Variants in ENOSF1 observed in about 807,000 individuals in gnomAD.
ENOSF1 encodes the protein enolase superfamily member 1.
In ENOSF1, 73 loss-of-function variants were observed where a neutral mutation model predicts 68.2. That is an observed-to-expected ratio of 1.07 (90% CI 0.89 to 1.30). The LOEUF is 1.30. Ranked by LOEUF, ENOSF1 falls within the 50% of genes most tolerant of loss-of-function variation. The probability of loss-of-function intolerance (pLI) is 0.00; values close to 1 mark genes in which losing one functional copy is unlikely to be tolerated. For synonymous variants in ENOSF1, 223 were observed against 210.4 expected, an observed-to-expected ratio of 1.06 and a Z score of -0.52; for missense variants, 589 against 554.5, an observed-to-expected ratio of 1.06 and a Z score of -0.62.
At chr18:694,185 C>A in intron 4 of ENOSF1, 63 bp downstream of exon 4, 1 of 1,483,814 alleles carries the variant, frequency 6.7e-7, no homozygotes, top group Admixed American at 1.8e-5. Context: ...TTCCTCTGTG[C>A]GTAGGGAAAG....
chr18:698,135 T>C (rs557018984), intron 2 of ENOSF1, among the ~76,000 whole-genome samples: 14 of 152,324 alleles, frequency 9.2e-5, no homozygotes, highest in African/African-American at 3.1e-4. Flanking sequence ...ATCACACAAG[T>C]AGAACACGTG....
In ENOSF1 at chr18:677,400, C is replaced by A; in HGVS notation, c.1093G>T (p.Val365Leu). 2 of 1,613,766 alleles carry A rather than the reference C, an allele frequency of 1.2e-6. No individual in the cohort carries two copies. The highest frequency in any genetic ancestry group is 2.2e-5 in the South Asian group (2 of 90,998). Residue 365 changes from valine to leucine, a missense_variant, in exon 14 of 16, where the codon GTG (valine) becomes TTG (leucine). Coordinates refer to ENST00000647584, the MANE Select transcript of ENOSF1 (RefSeq NM_017512.7). ...TAGTCAAATATAATCAGGTGCTGCA[C>A]CAGTTCACAGAGGCCAACTCCACCA... is the stretch of plus-strand genomic sequence containing the variant. ...HAGGVGLCELVQHLIIFDYIS... is the reference protein window; with the variant it reads ...HAGGVGLCELLQHLIIFDYIS...
chr18:680,998 A>G (rs1272168838), intron 11 of ENOSF1, among the ~76,000 whole-genome samples: 1 of 152,038 alleles, frequency 6.6e-6, no homozygotes, highest in Non-Finnish European at 1.5e-5. Context: ...AGGTGGGCGG[A>G]TCACGAGGTC....
chr18:666,149 T>G (rs2074811242), downstream of ENOSF1, among the ~76,000 whole-genome samples: 2 of 100,726 alleles, frequency 2.0e-5, no homozygotes, highest in Admixed American at 8.3e-5. Flanking sequence ...TGTGGGAGTC[T>G]AAGTCTCTTT....
At chr18:700,280 CAG>C (rs1458382623) in intron 2 of ENOSF1, among the ~76,000 whole-genome samples, 2 of 152,222 alleles carry the variant, frequency 1.3e-5, no homozygotes, top group South Asian at 2.1e-4. Context: ...TGTGAGAAGA[CAG>C]AGTCCTCCTC....
chr18:682,048 C>T (rs2076129532), intron 11 of ENOSF1, among the ~76,000 whole-genome samples: 1 of 152,158 alleles, frequency 6.6e-6, no homozygotes, highest in Non-Finnish European at 1.5e-5. Context: ...GGTGTAAGAT[C>T]AACACAAAAT....
At chr18:674,522 A>C in intron 15 of ENOSF1, 116 bp from the exon 16 acceptor site, 1 of 674,030 alleles carries the variant, frequency 1.5e-6, no homozygotes, top group Non-Finnish European at 2.5e-6. Flanking sequence ...GCAATTAATT[A>C]ATTTTTTTTT....
intron 2 of ENOSF1, among the ~76,000 whole-genome samples, chr18:704,440 GAA>G (rs11429267): frequency 2.0e-3 from 195 of 97,224 alleles, no homozygotes; most frequent in African/African-American, 6.9e-3. Context: ...AAAAAGAAAA[GAA>G]AAAAAAAAAA....
chr18:708,156 C>A (rs538960815), intron 1 of ENOSF1, among the ~76,000 whole-genome samples: 1 of 151,980 alleles, frequency 6.6e-6, no homozygotes, highest in Non-Finnish European at 1.5e-5. Context: ...CCACCACGCC[C>A]GGCCACAAGT....
At chr18:693,859 G>C in intron 5 of ENOSF1, 23 bp downstream of exon 5, 1 of 1,613,122 alleles carries the variant, frequency 6.2e-7, no homozygotes, top group African/African-American at 1.3e-5. Flanking sequence ...AGAAACAATT[G>C]TAACATTAAC....
At chr18:668,728 G>GT (rs1026086956), downstream of ENOSF1, among the ~76,000 whole-genome samples, 2 of 152,240 alleles carry the variant, frequency 1.3e-5, no homozygotes, top group African/African-American at 4.8e-5. Context: ...TAGAGCCTAA[G>GT]TTTGCGAGGA....
chr18:711,947 G>A (rs2079597708), intron 1 of ENOSF1, among the ~76,000 whole-genome samples: 1 of 152,150 alleles, frequency 6.6e-6, no homozygotes, highest in African/African-American at 2.4e-5. Flanking sequence ...GTGGAAGCGG[G>A]ATCACCACTC....
chr18:706,055 C>G (rs1280132836), intron 2 of ENOSF1, among the ~76,000 whole-genome samples: 2 of 152,014 alleles, frequency 1.3e-5, no homozygotes, highest in African/African-American at 4.8e-5. Flanking sequence ...ACGTGCTGTG[C>G]ACATCACAAT....
chr18:679,977 T>G (rs1181287847), intron 11 of ENOSF1, among the ~76,000 whole-genome samples: 3 of 151,898 alleles, frequency 2.0e-5, no homozygotes, highest in African/African-American at 7.3e-5. Context: ...GAGCCAGCGT[T>G]ATCCCCATTT....
chr18:669,811 G>T (rs1049884033), downstream of ENOSF1, among the ~76,000 whole-genome samples: 4 of 151,962 alleles, frequency 2.6e-5, no homozygotes, highest in Non-Finnish European at 5.9e-5. Context: ...CTACCAGGGT[G>T]TAGAGCCAGG....
chr18:702,959 G>C (rs916944673), intron 2 of ENOSF1, among the ~76,000 whole-genome samples: 29 of 152,192 alleles, frequency 1.9e-4, no homozygotes, highest in African/African-American at 7.0e-4. Context: ...CAGATGATTA[G>C]GTAAGTAAGC....
chr18:708,736 A>G (rs1336442036), intron 1 of ENOSF1, among the ~76,000 whole-genome samples: 2 of 151,956 alleles, frequency 1.3e-5, no homozygotes, highest in Non-Finnish European at 1.5e-5. Flanking sequence ...TCTGGGAGGG[A>G]GGAATATCTC....
intron 1 of ENOSF1, among the ~76,000 whole-genome samples, chr18:709,136 C>T (rs1406860319): frequency 6.6e-6 from 1 of 152,126 alleles, no homozygotes; most frequent in Admixed American, 6.6e-5. Context: ...GGTGAAAAAC[C>T]AAACAGGAAG....
intron 3 of ENOSF1, among the ~76,000 whole-genome samples, chr18:694,627 CAAA>C (rs1304863597): frequency 1.9e-5 from 2 of 107,848 alleles, no homozygotes; most frequent in Admixed American, 1.0e-4. Flanking sequence ...GACTCTGTCT[CAAA>C]AAAAAAAAAA....
Sources: allele counts gnomAD v4.1 joint callset (sites outside exome capture counted in the v4.1 genomes callset), GRCh38; gene constraint gnomAD v4.1.1; transcripts MANE v1.5; gene names NCBI Gene and HGNC (gene_info 2026-07-23, HGNC 2026-07-21).